MTRR: variants seen among roughly 807,000 people sequenced by gnomAD.
The protein encoded by MTRR is methionine synthase reductase.
Under a neutral mutation model 79.2 loss-of-function variants are expected in MTRR, and 63 were observed. That is an observed-to-expected ratio of 0.80 (90% CI 0.65 to 0.98). The LOEUF (loss-of-function observed/expected upper bound fraction) is 0.98. Ranked by LOEUF, MTRR falls within the 50% of genes least tolerant of loss-of-function variation. MTRR has a pLI of 0.00. For synonymous variants in MTRR, 355 were observed against 313.3 expected, an observed-to-expected ratio of 1.13 and a Z score of -1.41; for missense variants, 895 against 839.6, an observed-to-expected ratio of 1.07 and a Z score of -0.82.
Position 7,870,472 on chromosome 5 carries a change from T to C in MTRR, c.-25-298T>C, listed in dbSNP as rs941000704. 6 of 385,966 alleles carry C rather than the reference T, an allele frequency of 1.6e-5. 1 individual carries two copies. Among genetic ancestry groups the C allele is most frequent in the Admixed American group, 1.1e-4 (3 of 27,054 alleles). The allele number at this position is 385,966 out of a possible 1,614,324, so 23.9% of individuals were successfully genotyped here. On this transcript the variant is annotated intron_variant, in intron 1 of 14. Transcript: ENST00000440940. The stretch of plus-strand genomic sequence containing the variant: ...ATAAAGGAGCTGTGGTACGGATCAT[T>C]TGGGGAGCTTGTCTACAGGGTTGCA...
chr5:7,900,061 C>A lies in MTRR; in HGVS notation c.*3C>A. 3 of 1,612,950 alleles carry A rather than the reference C, an allele frequency of 1.9e-6. No individual in the cohort carries two copies. Among genetic ancestry groups the A allele is most frequent in the Non-Finnish European group, 2.5e-6 (3 of 1,179,794 alleles). On this transcript the variant is annotated 3_prime_UTR_variant, in exon 15 of 15. Transcript: ENST00000440940. The stretch of plus-strand genomic sequence containing the variant: ...ACCTTCAGGATATTTGGTCATAAAA[C>A]CAGAAATTAAAGAAAGAGGATTAAG...
rs553846662 is a variant in MTRR, at chr5:7,877,964, C to T, written c.422C>T (p.Pro141Leu). ...TCCAGTTTAGAACTTGTGGTTGAGC[C>T]GTGGATTGCTGGACTCTGGCCAGCC... ...DCVGLELVVE[P>L]WIAGLWPALR... The change falls in exon 5 of 15, where the codon CCG (proline) becomes CTG (leucine). Residue 141 changes from proline (P) to leucine (L), a missense_variant. Coordinates refer to ENST00000440940, the MANE Select transcript of MTRR (RefSeq NM_002454.3). 9.3e-6 allele frequency: 15 copies of T among 1,613,100 alleles called. No individual in the cohort carries two copies. The highest frequency in any genetic ancestry group is 4.5e-5 in the East Asian group (2 of 44,834).
At chr5:7,851,179 G>A (rs536867486), upstream of MTRR, 2 of 858,696 alleles carry the variant, frequency 2.3e-6, no homozygotes, top group South Asian at 6.1e-5. Flanking sequence ...ACCCGGAGCT[G>A]CCCTGCAGCA....
chr5:7,869,003 G>A (rs1214148183), upstream of MTRR: 12 of 1,043,934 alleles, frequency 1.1e-5, no homozygotes, highest in Middle Eastern at 4.8e-4. Context: ...CAATCACTCC[G>A]GGTGGTCGCG....
intron 2 of MTRR, among the ~76,000 whole-genome samples, chr5:7,864,068 C>G (rs1746755516): frequency 6.6e-6 from 1 of 152,162 alleles, no homozygotes; most frequent in African/African-American, 2.4e-5. Context: ...CAAGGCTGGT[C>G]TCGAACTCCT....
chr5:7,865,880 T>G, upstream of MTRR: 2 of 1,597,122 alleles, frequency 1.3e-6, no homozygotes, highest in Non-Finnish European at 1.7e-6. Context: ...TAAAGCCACA[T>G]ATAGTTCATG....
chr5:7,881,256 T>C (rs1330170041), intron 5 of MTRR, among the ~76,000 whole-genome samples: 1 of 152,138 alleles, frequency 6.6e-6, no homozygotes, highest in African/African-American at 2.4e-5. Context: ...CATAGTGCTC[T>C]GTCGTATACT....
At chr5:7,899,785 T>A in intron 14 of MTRR, 129 bp from the exon 15 acceptor site, 2 of 1,223,048 alleles carry the variant, frequency 1.6e-6, no homozygotes, top group Non-Finnish European at 2.4e-6. Context: ...GAGATCTGTG[T>A]GAGATGTTCT....
At chr5:7,889,573 T>G (rs1314170319) in intron 9 of MTRR, among the ~76,000 whole-genome samples, 1 of 152,170 alleles carries the variant, frequency 6.6e-6, no homozygotes, top group Non-Finnish European at 1.5e-5. Context: ...GAGTCAGTTG[T>G]TACTCTCTTT....
At chr5:7,868,989 C>T (rs780059102), upstream of MTRR, 2 of 933,154 alleles carry the variant, frequency 2.1e-6, no homozygotes, top group South Asian at 1.3e-5. Flanking sequence ...CGCGCTCTGC[C>T]GGGCAATCAC....
intron 1 of MTRR, chr5:7,859,603 G>T: frequency 9.3e-7 from 1 of 1,074,596 alleles, no homozygotes; most frequent in Non-Finnish European, 1.4e-6. Context: ...TCTGGCTATT[G>T]GTTACTTTGT....
upstream of MTRR, among the ~76,000 whole-genome samples, chr5:7,866,326 AAAG>A (rs1195061521): frequency 6.6e-6 from 1 of 150,474 alleles, no homozygotes; most frequent in Non-Finnish European, 1.5e-5. Flanking sequence ...AAAAAAAAAA[AAAG>A]ATACAGTTGC....
rs569303727 is a variant in MTRR at position 7,900,965 on chromosome 5, T to C, written c.*907T>C. ...ATTCCCAGTGTCTAATTCCCTGTTA[T>C]AATTTGCACAAACAAAACAAAATGT... On this transcript the variant is annotated 3_prime_UTR_variant, in exon 15 of 15. Coordinates refer to ENST00000440940, the MANE Select transcript of MTRR (RefSeq NM_002454.3). 14 of 152,290 alleles carry C rather than the reference T, an allele frequency of 9.2e-5. No individual in the cohort carries two copies. The highest frequency in any genetic ancestry group is 3.9e-4 in the Admixed American group (6 of 15,292). The allele number at this position is 152,290 out of a possible 1,614,324, so 9.4% of individuals were successfully genotyped here.
At chr5:7,880,270 A>G (rs150863950) in intron 5 of MTRR, among the ~76,000 whole-genome samples, 1 of 152,352 alleles carries the variant, frequency 6.6e-6, no homozygotes, top group Non-Finnish European at 1.5e-5. Flanking sequence ...TCAGACTCTT[A>G]TAACAGCAGG....
chr5:7,883,947 C>T (rs1453973434), intron 6 of MTRR, among the ~76,000 whole-genome samples: 7 of 152,252 alleles, frequency 4.6e-5, no homozygotes, highest in Admixed American at 1.3e-4. Flanking sequence ...AGGCTGAAGG[C>T]GGTCACTTGA....
intron 1 of MTRR, among the ~76,000 whole-genome samples, chr5:7,857,379 G>T (rs12520845): frequency 6.6e-6 from 1 of 152,110 alleles, no homozygotes; most frequent in Non-Finnish European, 1.5e-5. Flanking sequence ...AAATTTGCTC[G>T]TTAGTGACAC....
intron 1 of MTRR, among the ~76,000 whole-genome samples, chr5:7,855,996 G>A (rs1746236201): frequency 6.6e-6 from 1 of 152,142 alleles, no homozygotes; most frequent in Non-Finnish European, 1.5e-5. Flanking sequence ...GTCAAACATA[G>A]GACTAGACAG....
Position 7,899,941 on chromosome 5 carries a change from A to G in MTRR, c.1980A>G (p.Val660=), listed in dbSNP as rs1739211049. ...CGDAKNMAKD[V]HDALVQIISK... is the part of the protein sequence containing the mutation. ...ATGCAAAGAATATGGCCAAGGATGT[A>G]CATGATGCCCTTGTGCAAATAATAA... The change falls in exon 15 of 15, where the codon GTA becomes GTG. Residue 660 remains valine (V), a synonymous_variant. Transcript: ENST00000440940. 6.2e-7 allele frequency: 1 copy of G among 1,614,100 alleles called. No homozygotes were observed. Among genetic ancestry groups the G allele is most frequent in the Admixed American group, 1.7e-5 (1 of 60,004 alleles).
intron 1 of MTRR, among the ~76,000 whole-genome samples, chr5:7,853,023 G>A (rs1240377096): frequency 6.6e-6 from 1 of 152,212 alleles, no homozygotes; most frequent in African/African-American, 2.4e-5. Flanking sequence ...ATTTTGTCAT[G>A]TCCTAGACCA....
Sources: allele counts gnomAD v4.1 joint callset (sites outside exome capture counted in the v4.1 genomes callset), GRCh38; gene constraint gnomAD v4.1.1; transcripts MANE v1.5; gene names NCBI Gene and HGNC (gene_info 2026-07-23, HGNC 2026-07-21).